KHDRBS2: variants seen among roughly 807,000 people sequenced by gnomAD.
The protein encoded by KHDRBS2 is KH domain-containing, RNA-binding, signal transduction-associated protein 2.
KHDRBS2 carries 26 observed loss-of-function variants against 44.3 expected under a neutral mutation model. That is an observed-to-expected ratio of 0.59 (90% confidence interval 0.43 to 0.81). The LOEUF (loss-of-function observed/expected upper bound fraction) is 0.81, where lower values mean the gene tolerates loss of function less well. Ranked by LOEUF, KHDRBS2 falls within the 40% of genes least tolerant of loss-of-function variation. The probability of loss-of-function intolerance (pLI) is 0.00; values close to 1 mark genes in which losing one functional copy is unlikely to be tolerated. For synonymous variants in KHDRBS2, 194 were observed against 151.1 expected, an observed-to-expected ratio of 1.28 and a Z score of -2.08; for missense variants, 476 against 433.1, an observed-to-expected ratio of 1.10 and a Z score of -0.88.
At chr6:61,698,736 C>G (rs1768211052) in intron 7 of KHDRBS2, among the ~76,000 whole-genome samples, 3 of 152,066 alleles carry the variant, frequency 2.0e-5, no homozygotes, top group Admixed American at 2.0e-4. Context: ...CTCACTCACC[C>G]TACTCAGGGG....
At chr6:62,201,822 T>C (rs1554475227) in intron 1 of KHDRBS2, among the ~76,000 whole-genome samples, 7 of 152,050 alleles carry the variant, frequency 4.6e-5, no homozygotes, top group South Asian at 2.1e-4. Flanking sequence ...CAATAGACTA[T>C]TGACATGACA....
intron 3 of KHDRBS2, among the ~76,000 whole-genome samples, chr6:62,002,384 G>C (rs1778419362): frequency 6.6e-6 from 1 of 151,488 alleles, no homozygotes. Context: ...AGCTAGTATT[G>C]GGATACTTTT....
chr6:62,083,681 T>A (rs763849163), intron 2 of KHDRBS2, among the ~76,000 whole-genome samples: 22 of 152,114 alleles, frequency 1.4e-4, no homozygotes, highest in Non-Finnish European at 3.1e-4. Context: ...CTCCACCTCC[T>A]GTGAGGGGTT....
intron 1 of KHDRBS2, among the ~76,000 whole-genome samples, chr6:62,241,751 T>C (rs1834713388): frequency 6.6e-6 from 1 of 152,222 alleles, no homozygotes; most frequent in Non-Finnish European, 1.5e-5. Flanking sequence ...GACATAGTTA[T>C]TGCTCAAAAA....
intron 6 of KHDRBS2, among the ~76,000 whole-genome samples, chr6:61,864,254 G>C (rs1267323375): frequency 6.6e-6 from 1 of 152,054 alleles, no homozygotes; most frequent in Admixed American, 6.6e-5. Flanking sequence ...TCTTTTAATT[G>C]GGGCACTTAG....
intron 1 of KHDRBS2, among the ~76,000 whole-genome samples, chr6:62,282,634 TAAG>T (rs1408080371): frequency 2.0e-5 from 3 of 152,082 alleles, no homozygotes; most frequent in African/African-American, 7.2e-5. Flanking sequence ...TCAATAGACT[TAAG>T]AACATAAATC....
the KHDRBS2 span, among the ~76,000 whole-genome samples, chr6:61,550,336 G>A: frequency 6.6e-6 from 1 of 151,968 alleles, no homozygotes; most frequent in Non-Finnish European, 1.5e-5. Flanking sequence ...GGATACTATC[G>A]TCCAGTTCTG....
At chr6:61,588,511 C>T in the KHDRBS2 span, among the ~76,000 whole-genome samples, 93,670 of 152,040 alleles carry the variant, frequency 0.62, 29,079 homozygotes, top group Non-Finnish European at 0.65. Context: ...AGATATAGTA[C>T]TTTGTTAAAA....
At chr6:61,848,504 T>TACGTATATATATAC (rs1246478978) in intron 6 of KHDRBS2, among the ~76,000 whole-genome samples, 1 of 55,188 alleles carries the variant, frequency 1.8e-5, no homozygotes, top group African/African-American at 1.0e-4. Context: ...TATATATATA[T>TACGTATATATATAC]ATATATGTAT....
At chr6:62,242,804 T>G (rs1161180074) in intron 1 of KHDRBS2, among the ~76,000 whole-genome samples, 1 of 152,176 alleles carries the variant, frequency 6.6e-6, no homozygotes, top group Non-Finnish European at 1.5e-5. Context: ...TCTTGTTTCT[T>G]TAAAGACATC....
intron 7 of KHDRBS2, among the ~76,000 whole-genome samples, chr6:61,707,648 G>A (rs959509910): frequency 6.6e-6 from 1 of 151,618 alleles, no homozygotes; most frequent in Admixed American, 6.6e-5. Flanking sequence ...TAAATGAGTA[G>A]TAGTCTCCGA....
At chr6:61,632,852 T>G in the KHDRBS2 span, among the ~76,000 whole-genome samples, 1 of 152,284 alleles carries the variant, frequency 6.6e-6, no homozygotes, top group South Asian at 2.1e-4. Flanking sequence ...AAGGGCAGTG[T>G]GCAATTACAC....
downstream of KHDRBS2, among the ~76,000 whole-genome samples, chr6:61,674,965 G>A (rs539725882): frequency 1.3e-4 from 20 of 151,736 alleles, no homozygotes; most frequent in South Asian, 6.2e-4. Context: ...TAATATGTTC[G>A]TATAATTTGT....
chr6:62,071,349 A>T (rs1795035572), intron 2 of KHDRBS2, among the ~76,000 whole-genome samples: 1 of 152,110 alleles, frequency 6.6e-6, no homozygotes, highest in South Asian at 2.1e-4. Context: ...GTTTAATTAG[A>T]TTCCATTTGT....
intron 7 of KHDRBS2, among the ~76,000 whole-genome samples, chr6:61,725,229 G>A (rs1773367065): frequency 6.6e-6 from 1 of 151,994 alleles, no homozygotes. Flanking sequence ...CAGAAATTAA[G>A]AAGTTTTTTG....
chr6:62,168,462 A>G (rs1819155626), intron 2 of KHDRBS2, among the ~76,000 whole-genome samples: 1 of 152,156 alleles, frequency 6.6e-6, no homozygotes. Context: ...AGGAAGCCGC[A>G]CATTCCAGTC....
At chr6:61,629,025 A>C in the KHDRBS2 span, among the ~76,000 whole-genome samples, 1 of 152,194 alleles carries the variant, frequency 6.6e-6, no homozygotes, top group East Asian at 1.9e-4. Context: ...ACTAATTCTT[A>C]ATATATTCTA....
intron 1 of KHDRBS2, among the ~76,000 whole-genome samples, chr6:62,240,155 C>T (rs145051841): frequency 7.8e-4 from 119 of 152,186 alleles, no homozygotes; most frequent in African/African-American, 2.4e-3. Context: ...ATCATTGATA[C>T]ATTATATTTT....
At chr6:61,998,250 T>C (rs2127256199) in intron 3 of KHDRBS2, among the ~76,000 whole-genome samples, 1 of 152,068 alleles carries the variant, frequency 6.6e-6, no homozygotes, top group Admixed American at 6.5e-5. Context: ...TTTTAAAGAG[T>C]GAGAAGAAAT....
Sources: allele counts gnomAD v4.1 joint callset (sites outside exome capture counted in the v4.1 genomes callset), GRCh38; gene constraint gnomAD v4.1.1; transcripts MANE v1.5; gene names NCBI Gene and HGNC (gene_info 2026-07-23, HGNC 2026-07-21).